Variants in GRIN2A observed in about 807,000 individuals in gnomAD.
The protein encoded by GRIN2A is glutamate receptor ionotropic, NMDA 2A.
Under a neutral mutation model 113.4 loss-of-function variants are expected in GRIN2A, and 22 were observed. The observed-to-expected ratio is 0.19, with a 90% CI of 0.14 to 0.28. The LOEUF is 0.28. Ranked by LOEUF, GRIN2A falls within the 10% of genes least tolerant of loss-of-function variation. The pLI is 1.00. For synonymous variants in GRIN2A, 827 were observed against 738.4 expected (o/e 1.12, Z -1.94); for missense variants, 1,502 against 1,887.0 (o/e 0.80, Z 3.78).
At chr16:10,143,081 T>C (rs1392491187) in intron 2 of GRIN2A, among the ~76,000 whole-genome samples, 2 of 152,240 alleles carry the variant, frequency 1.3e-5, no homozygotes, top group Non-Finnish European at 2.9e-5. Flanking sequence ...AATTGTACTA[T>C]AAATTGTGTT....
intron 3 of GRIN2A, 35 bp from the exon 4 acceptor site, chr16:9,891,135 G>A (rs2043687570): frequency 8.0e-7 from 1 of 1,243,794 alleles, no homozygotes; most frequent in African/African-American, 1.5e-5. Flanking sequence ...AAATTTTTAG[G>A]AAAGAATTAG....
intron 4 of GRIN2A, among the ~76,000 whole-genome samples, chr16:9,871,003 C>T (rs918141389): frequency 3.3e-5 from 5 of 152,136 alleles, no homozygotes; most frequent in African/African-American, 9.7e-5. Flanking sequence ...GGCCTCTGGG[C>T]TCTGGACCCC....
In GRIN2A at chr16:9,759,317, G is replaced by A. The variant is rs558133284; in HGVS notation, c.*3832C>T. 3 of 221,484 alleles carry A rather than the reference G, an allele frequency of 1.4e-5. No homozygotes were observed. The highest frequency in any genetic ancestry group is 6.6e-5 in the East Asian group (1 of 15,042). The allele number at this position is 221,484 out of a possible 1,614,324, so 13.7% of individuals were successfully genotyped here. A position where few individuals can be genotyped will look rare whatever the true frequency, so the allele number is the denominator to read the frequency against. ...TCAACATTTTTTTTCTTTTTCATTA[G>A]CAATTCTATTTGCAAATAATTCAGG... On this transcript the variant is annotated 3_prime_UTR_variant, in exon 13 of 13. Transcript: ENST00000330684.
intron 2 of GRIN2A, among the ~76,000 whole-genome samples, chr16:10,161,560 A>G (rs1297964481): frequency 6.6e-6 from 1 of 152,240 alleles, no homozygotes; most frequent in East Asian, 1.9e-4. Context: ...AAGGCCACAA[A>G]GGGCACAGCC....
intron 9 of GRIN2A, among the ~76,000 whole-genome samples, chr16:9,823,359 T>C (rs761447023): frequency 2.6e-4 from 39 of 152,282 alleles, no homozygotes; most frequent in Non-Finnish European, 4.3e-4. Flanking sequence ...AGATAACACA[T>C]TCACTTCATG....
At chr16:10,129,327 G>A (rs1007820130) in intron 2 of GRIN2A, among the ~76,000 whole-genome samples, 10 of 151,938 alleles carry the variant, frequency 6.6e-5, no homozygotes, top group African/African-American at 2.2e-4. Flanking sequence ...AATGACTAAT[G>A]TCCCTGCTTT....
intron 11 of GRIN2A, among the ~76,000 whole-genome samples, chr16:9,788,254 C>G (rs1567297290): frequency 1.3e-5 from 2 of 151,620 alleles, no homozygotes; most frequent in Admixed American, 1.3e-4. Flanking sequence ...CTTTTTGACT[C>G]TATTTTTTTT....
intron 3 of GRIN2A, among the ~76,000 whole-genome samples, chr16:9,895,651 C>A (rs535150119): frequency 1.3e-5 from 2 of 152,320 alleles, no homozygotes; most frequent in Non-Finnish European, 2.9e-5. Context: ...CAGGCAACTG[C>A]AATGGAATTT....
chr16:10,170,324 C>A (rs1372692000), intron 2 of GRIN2A, among the ~76,000 whole-genome samples: 1 of 152,172 alleles, frequency 6.6e-6, no homozygotes, highest in Non-Finnish European at 1.5e-5. Flanking sequence ...AGTGAAAATT[C>A]TTCTTCAAAC....
intron 2 of GRIN2A, among the ~76,000 whole-genome samples, chr16:10,148,064 T>C (rs2049482604): frequency 6.6e-6 from 1 of 152,206 alleles, no homozygotes; most frequent in Non-Finnish European, 1.5e-5. Context: ...GCTACCCTAC[T>C]GGTTGCTCCC....
chr16:9,802,777 G>A (rs762954002), intron 10 of GRIN2A, among the ~76,000 whole-genome samples: 14 of 151,934 alleles, frequency 9.2e-5, no homozygotes, highest in Admixed American at 7.2e-4. Flanking sequence ...TATGGATATC[G>A]AGCACTTGAA....
At chr16:9,869,704 T>C (rs1196031951) in intron 4 of GRIN2A, among the ~76,000 whole-genome samples, 1 of 152,202 alleles carries the variant, frequency 6.6e-6, no homozygotes, top group Non-Finnish European at 1.5e-5. Context: ...ATTATTCTCA[T>C]GGAAATAAAT....
intron 2 of GRIN2A, among the ~76,000 whole-genome samples, chr16:9,972,881 T>C (rs1241447376): frequency 2.6e-5 from 4 of 152,230 alleles, no homozygotes. Context: ...CAGAGTTTTA[T>C]TATGACTCAA....
At chr16:9,915,061 C>CTAG (rs921044290) in intron 3 of GRIN2A, among the ~76,000 whole-genome samples, 6 of 150,120 alleles carry the variant, frequency 4.0e-5, no homozygotes, top group African/African-American at 1.5e-4. Context: ...CTCAGCCTCC[C>CTAG]TAGTAGCTGG....
intron 11 of GRIN2A, among the ~76,000 whole-genome samples, chr16:9,792,095 G>T (rs1028745252): frequency 7.1e-6 from 1 of 141,348 alleles, no homozygotes; most frequent in African/African-American, 2.8e-5. Context: ...GTGTGTGTGT[G>T]TGTGTGTGTG....
intron 2 of GRIN2A, among the ~76,000 whole-genome samples, chr16:10,036,359 C>T (rs1312137349): frequency 6.6e-6 from 1 of 151,332 alleles, no homozygotes; most frequent in Non-Finnish European, 1.5e-5. Context: ...GCCTTTCTTC[C>T]AGCTTCTGGT....
intron 2 of GRIN2A, among the ~76,000 whole-genome samples, chr16:9,939,585 C>T (rs768575332): frequency 1.3e-5 from 2 of 152,140 alleles, no homozygotes; most frequent in African/African-American, 2.4e-5. Context: ...ATACAAACTG[C>T]CTTCATACCC....
Position 10,003,402 on chromosome 16 carries a change from T to C in GRIN2A, c.415-64851A>G, listed in dbSNP as rs79745163. 5.0e-3 allele frequency among the ~76,000 whole-genome samples: 767 copies of C among 152,216 alleles called. 10 individuals are homozygous for C. Among genetic ancestry groups the C allele is most frequent in the African/African-American group, 0.017 (712 of 41,526 alleles). On this transcript the variant is annotated intron_variant, in intron 2 of 12. Coordinates refer to ENST00000330684, the MANE Select transcript of GRIN2A (RefSeq NM_001134407.3). ...AGACATCAAGATTAGCTAGGGATAATTAAAGAACAAAGTTAGTGAATTCAG... is the reference window on the plus strand; with the variant it reads ...AGACATCAAGATTAGCTAGGGATAACTAAAGAACAAAGTTAGTGAATTCAG...
Position 9,763,627 on chromosome 16 carries a change from C to T in GRIN2A, c.3917G>A (p.Arg1306Lys), listed in dbSNP as rs368627311. Reference protein sequence around the residue: ...VDKPRELDLSRPSRSISLKDR... With the variant: ...VDKPRELDLSKPSRSISLKDR... ...CTTGAGGCTTATGCTCCGGGAGGGC[C>T]TGCTAAGGTCTAGCTCCCTAGGTTT... The change falls in exon 13 of 13, where the codon AGG becomes AAG. Residue 1306 changes from arginine to lysine, a missense_variant. Physicochemically the swap from Arg to Lys is conservative, Grantham distance 26. Coordinates refer to ENST00000330684, the MANE Select transcript of GRIN2A (RefSeq NM_001134407.3). 1 of 1,613,294 alleles carries T rather than the reference C, an allele frequency of 6.2e-7. No individual in the cohort carries two copies. Among genetic ancestry groups the T allele is most frequent in the Non-Finnish European group, 8.5e-7 (1 of 1,180,000 alleles).
Sources: allele counts gnomAD v4.1 joint callset (sites outside exome capture counted in the v4.1 genomes callset), GRCh38; gene constraint gnomAD v4.1.1; transcripts MANE v1.5; gene names NCBI Gene and HGNC (gene_info 2026-07-23, HGNC 2026-07-21).